GALK2: variants seen among roughly 807,000 people sequenced by gnomAD.
GALK2 encodes N-acetylgalactosamine kinase.
GALK2 carries 36 observed loss-of-function variants against 52.4 expected under a neutral mutation model. The observed-to-expected ratio is 0.69, with a 90% CI of 0.53 to 0.91. GALK2 has a LOEUF of 0.91. Among genes scored for constraint, GALK2 ranks in the 40% least tolerant of loss-of-function variants. The pLI is 0.00. For missense variants in GALK2, 579 were observed against 559.1 expected (o/e 1.04, Z -0.36); for synonymous variants, 176 against 199.1 (o/e 0.88, Z 0.98).
At chr15:49,193,033 T>G (rs2141269578) in intron 1 of GALK2, among the ~76,000 whole-genome samples, 1 of 151,022 alleles carries the variant, frequency 6.6e-6, no homozygotes, top group East Asian at 1.9e-4. Flanking sequence ...AATCTCGCTC[T>G]GTTGCCCAGG....
chr15:49,177,752 C>T, intron 1 of GALK2: 1 of 794,432 alleles, frequency 1.3e-6, no homozygotes, highest in Non-Finnish European at 1.9e-6. Context: ...TGCTTGTGGA[C>T]TGGTTTGGTG....
chr15:49,259,207 CTTTAAG>C (rs1190608872), intron 5 of GALK2, among the ~76,000 whole-genome samples: 1 of 151,538 alleles, frequency 6.6e-6, no homozygotes, highest in African/African-American at 2.4e-5. Flanking sequence ...TATTATTATA[CTTTAAG>C]TTTTAGGGTA....
chr15:49,156,049 T>G, intron 1 of GALK2: 3 of 1,611,844 alleles, frequency 1.9e-6, no homozygotes, highest in Non-Finnish European at 2.5e-6. Flanking sequence ...ACGTGTGCAT[T>G]TAGCCCACAC....
Position 49,269,491 on chromosome 15 carries a change from C to T in GALK2, c.505-12496C>T, listed in dbSNP as rs557933667. Among the ~76,000 whole-genome samples, 3 of 152,324 alleles carry T rather than the reference C, an allele frequency of 2.0e-5. No individual in the cohort carries two copies. The South Asian group carries it at 6.2e-4, about 32-fold the overall frequency. ...ACTGTTTCATGAAGTTTTCCTTTTA[C>T]TTCCCTCTCCTATTTTGCAAAGAGC... On this transcript the variant is annotated intron_variant, in intron 5 of 9. Transcript: ENST00000560031.
At chr15:49,338,799 A>G (rs1439153113) in intron 3 of GALK2, among the ~76,000 whole-genome samples, 2 of 152,036 alleles carry the variant, frequency 1.3e-5, no homozygotes, top group Non-Finnish European at 2.9e-5. Flanking sequence ...ACATAGTCCC[A>G]TATTTGTTGG....
intron 9 of GALK2, among the ~76,000 whole-genome samples, chr15:49,322,635 T>C (rs908338353): frequency 6.6e-6 from 1 of 152,102 alleles, no homozygotes; most frequent in African/African-American, 2.4e-5. Flanking sequence ...CCGTGTGAAA[T>C]TGCAGTCTAT....
At chr15:49,235,729 G>A in intron 3 of GALK2, 122 bp from the exon 4 acceptor site, 2 of 786,236 alleles carry the variant, frequency 2.5e-6, no homozygotes. Context: ...CACACAGTTT[G>A]AACATAAAAG....
chr15:49,278,363 C>T (rs1292870400), intron 5 of GALK2, among the ~76,000 whole-genome samples: 1 of 152,116 alleles, frequency 6.6e-6, no homozygotes, highest in Non-Finnish European at 1.5e-5. Context: ...TAGAGGAATC[C>T]AGATTCTTTA....
At chr15:49,260,518 C>T (rs1177371752) in intron 5 of GALK2, among the ~76,000 whole-genome samples, 1 of 145,862 alleles carries the variant, frequency 6.9e-6, no homozygotes, top group Admixed American at 6.9e-5. Context: ...TTGTAGGTTG[C>T]CTGTTCACTC....
At chr15:49,314,800 G>A (rs2036269064) in intron 8 of GALK2, among the ~76,000 whole-genome samples, 1 of 152,192 alleles carries the variant, frequency 6.6e-6, no homozygotes. Context: ...GTATGTGTGT[G>A]GGCTACTCCA....
chr15:49,256,172 C>G (rs1208789160), intron 5 of GALK2, among the ~76,000 whole-genome samples: 1 of 152,098 alleles, frequency 6.6e-6, no homozygotes, highest in Non-Finnish European at 1.5e-5. Context: ...ATTTACATGT[C>G]TTTGTGTCTG....
intron 1 of GALK2, among the ~76,000 whole-genome samples, chr15:49,163,630 G>T (rs2084726074): frequency 6.6e-6 from 1 of 152,154 alleles, no homozygotes; most frequent in African/African-American, 2.4e-5. Context: ...AAAATCCAAT[G>T]ACAGTTTAAT....
intron 3 of GALK2, among the ~76,000 whole-genome samples, chr15:49,217,693 A>G (rs2089494450): frequency 6.6e-6 from 1 of 152,114 alleles, no homozygotes. Flanking sequence ...ATTATGCTGT[A>G]TTATTATTAT....
At chr15:49,337,476 C>T (rs1416673592) in intron 3 of GALK2, among the ~76,000 whole-genome samples, 1 of 45,940 alleles carries the variant, frequency 2.2e-5, no homozygotes, top group Non-Finnish European at 4.9e-5. Flanking sequence ...GTTTGTTGGA[C>T]ACTTGCAATG....
chr15:49,355,327 A>G (rs1182678361), intron 3 of GALK2, among the ~76,000 whole-genome samples: 1 of 152,226 alleles, frequency 6.6e-6, no homozygotes, highest in East Asian at 1.9e-4. Context: ...AAGGCAAAGA[A>G]GTTGAAAACT....
At chr15:49,334,270 C>T, downstream of GALK2, 1 of 982,182 alleles carries the variant, frequency 1.0e-6, no homozygotes, top group Non-Finnish European at 1.2e-6. Flanking sequence ...AGTTTTATTT[C>T]TTCATTAATT....
downstream of GALK2, among the ~76,000 whole-genome samples, chr15:49,335,210 T>C (rs1416870023): frequency 1.3e-5 from 2 of 152,158 alleles, no homozygotes; most frequent in Non-Finnish European, 2.9e-5. Flanking sequence ...CAAAGCTTCC[T>C]TCCTTTCTTC....
chr15:49,192,995 AC>A (rs2086885085), intron 1 of GALK2, among the ~76,000 whole-genome samples: 1 of 126,706 alleles, frequency 7.9e-6, no homozygotes. Flanking sequence ...TTCTGTTTAT[AC>A]CTTTTTTTTT....
intron 3 of GALK2, among the ~76,000 whole-genome samples, chr15:49,364,942 T>C (rs542338788): frequency 2.0e-5 from 3 of 152,164 alleles, no homozygotes; most frequent in Non-Finnish European, 4.4e-5. Context: ...GGCACAACTT[T>C]AACATTAAAA....
Sources: gnomAD v4.1 joint callset for allele counts (sites outside exome capture counted in the v4.1 genomes callset) on GRCh38, gnomAD v4.1.1 for gene constraint, MANE v1.5 for transcripts, NCBI Gene and HGNC (gene_info 2026-07-23, HGNC 2026-07-21) for gene names.